TET1: variants seen among roughly 807,000 people sequenced by gnomAD.
TET1 encodes methylcytosine dioxygenase TET1.
Under a neutral mutation model 148.7 loss-of-function variants are expected in TET1, and 13 were observed. That is an observed-to-expected ratio of 0.09 (90% CI 0.06 to 0.14). The LOEUF is 0.14. TET1 is among the 10% of genes least tolerant of loss of function. The probability of loss-of-function intolerance (pLI) is 1.00; values close to 1 mark genes in which losing one functional copy is unlikely to be tolerated. For missense variants in TET1, 2,182 were observed against 2,553.8 expected, an observed-to-expected ratio of 0.85 and a Z score of 3.14; for synonymous variants, 907 against 937.2, an observed-to-expected ratio of 0.97 and a Z score of 0.59.
In TET1 at chr10:68,683,341, C is replaced by A. The variant is rs537050350; in HGVS notation, c.5052+368C>A. 3.9e-5 allele frequency among the ~76,000 whole-genome samples: 6 copies of A among 152,236 alleles called. No individual in the cohort carries two copies. The East Asian group carries it at 7.7e-4, about 20-fold the overall frequency. ...TCGCCCAGGCTAGAGGGTAGTGGCA[C>A]GATCTCAGCTCACTGCAACCTCTGC... On this transcript the variant is annotated intron_variant, in intron 10 of 11. Transcript: ENST00000373644.
At chr10:68,647,051 C>T in intron 4 of TET1, 46 bp downstream of exon 4, 2 of 1,541,726 alleles carry the variant, frequency 1.3e-6, no homozygotes, top group Non-Finnish European at 1.7e-6. Flanking sequence ...GCACAAATTA[C>T]CTCAATCATG....
chr10:68,669,519 T>G (rs1230391329), intron 7 of TET1, among the ~76,000 whole-genome samples: 72 of 114,690 alleles, frequency 6.3e-4, no homozygotes, highest in Non-Finnish European at 9.6e-4. Flanking sequence ...TTTGGGGGGG[T>G]TTTTTTTTGT....
chr10:68,673,259 T>A (rs2055298943), intron 8 of TET1: 1 of 260,802 alleles, frequency 3.8e-6, no homozygotes, highest in East Asian at 7.2e-5. Flanking sequence ...CAAATTCCAA[T>A]TGTCCCTGGC....
Position 68,632,052 on chromosome 10 carries a change from T to C in TET1, c.1969-12646T>C, listed in dbSNP as rs538329525. 2.6e-5 allele frequency among the ~76,000 whole-genome samples: 4 copies of C among 151,980 alleles called. No individual in the cohort carries two copies. In the South Asian group the frequency reaches 8.3e-4, roughly 32 times the overall value. On this transcript the variant is annotated intron_variant, in intron 3 of 11. Transcript: ENST00000373644. ...GTAGAAAACAGGATCTGGCCGGGCG[T>C]GGTGGCTCATGCCTGTAATCGCAGC... is the stretch of plus-strand genomic sequence containing the variant.
chr10:68,676,296 T>C (rs895636831), intron 8 of TET1, among the ~76,000 whole-genome samples: 10 of 115,408 alleles, frequency 8.7e-5, no homozygotes, highest in South Asian at 6.1e-4. Flanking sequence ...TTTTTTTTTT[T>C]CTTCTGAGAC....
intron 2 of TET1, among the ~76,000 whole-genome samples, chr10:68,583,884 C>G (rs1362163899): frequency 6.6e-6 from 1 of 151,830 alleles, no homozygotes; most frequent in African/African-American, 2.4e-5. Context: ...GCACACCAGT[C>G]TGGCGACAGA....
At chr10:68,667,364 G>T in intron 7 of TET1, 108 bp downstream of exon 7, 1 of 921,776 alleles carries the variant, frequency 1.1e-6, no homozygotes, top group Non-Finnish European at 1.6e-6. Context: ...AATAGGATTT[G>T]AGTATTGTGG....
At chr10:68,604,743 A>G (rs1290387395) in intron 3 of TET1, among the ~76,000 whole-genome samples, 1 of 152,202 alleles carries the variant, frequency 6.6e-6, no homozygotes, top group African/African-American at 2.4e-5. Flanking sequence ...ACTGGGCATG[A>G]CTAGTGACCA....
chr10:68,593,911 A>C lies in TET1; in HGVS notation c.1915-7070A>C, dbSNP rs1349746474. Among the ~76,000 whole-genome samples the C allele has an allele frequency of 1.7e-4, 11 of 64,434 alleles. No homozygotes were observed. The Admixed American group carries it at 2.2e-3, about 13-fold the overall frequency. The allele number at this position is 64,434 out of a possible 152,430, so 42.3% of individuals were successfully genotyped here. On this transcript the variant is annotated intron_variant, in intron 2 of 11. Transcript: ENST00000373644. Reference sequence around the variant, plus strand: ...TTACAGGCGTGAGCCACTGCGCCTGAGCTATTTTTTTTTTTTTTTTTTTTT... The same window carrying C: ...TTACAGGCGTGAGCCACTGCGCCTGCGCTATTTTTTTTTTTTTTTTTTTTT...
At chr10:68,576,532 C>T (rs550339721) in intron 2 of TET1, among the ~76,000 whole-genome samples, 23 of 152,050 alleles carry the variant, frequency 1.5e-4, no homozygotes, top group African/African-American at 4.6e-4. Flanking sequence ...TGTGATGGCA[C>T]GCTCCTGTAG....
chr10:68,664,006 C>CT (rs146462366), intron 6 of TET1, among the ~76,000 whole-genome samples: 10,077 of 148,790 alleles, frequency 0.068, 1,113 homozygotes, highest in African/African-American at 0.23. Flanking sequence ...TAGGTACCTC[C>CT]TTTTTTTTTT....
At chr10:68,594,295 T>C (rs1268501355) in intron 2 of TET1, among the ~76,000 whole-genome samples, 1 of 152,208 alleles carries the variant, frequency 6.6e-6, no homozygotes, top group Non-Finnish European at 1.5e-5. Context: ...TTCCAGTTTC[T>C]AGTTGGTACA....
At chr10:68,581,773 A>T (rs2053800790) in intron 2 of TET1, among the ~76,000 whole-genome samples, 1 of 151,340 alleles carries the variant, frequency 6.6e-6, no homozygotes, top group South Asian at 2.1e-4. Flanking sequence ...TGAGCTCAGG[A>T]GGTGGAGGCT....
intron 2 of TET1, among the ~76,000 whole-genome samples, chr10:68,600,588 G>A (rs1385785251): frequency 3.9e-5 from 6 of 152,160 alleles, no homozygotes; most frequent in Non-Finnish European, 8.8e-5. Flanking sequence ...TGCCCAGCAC[G>A]TCTACAGTGC....
intron 3 of TET1, among the ~76,000 whole-genome samples, chr10:68,617,284 A>C (rs2054307547): frequency 6.6e-6 from 1 of 151,390 alleles, no homozygotes; most frequent in Admixed American, 6.6e-5. Context: ...TCGGCCTCCC[A>C]AAGTGCTAGG....
rs533585491 is a variant in TET1 at position 68,632,321 on chromosome 10, C to G, written c.1969-12377C>G. 25 of 1,225,886 alleles carry G rather than the reference C, an allele frequency of 2.0e-5. No homozygotes were observed. In the South Asian group the frequency reaches 3.4e-4, roughly 17 times the overall value. The allele number at this position is 1,225,886 out of a possible 1,614,324, so 75.9% of individuals were successfully genotyped here. On this transcript the variant is annotated intron_variant, in intron 3 of 11. Coordinates refer to ENST00000373644, the MANE Select transcript of TET1 (RefSeq NM_030625.3). ...TGGGTGACAGAGCCAGATTCCCTTT[C>G]AAAAAAAAAAGAAAGGGTGCAGGGC...
Position 68,640,544 on chromosome 10 carries a change from CTT to C in TET1, c.1969-4130_1969-4129del, listed in dbSNP as rs60460824. Among the ~76,000 whole-genome samples the C allele has an allele frequency of 2.3e-3, 97 of 42,870 alleles. 1 individual carries two copies. The highest frequency in any genetic ancestry group is 8.4e-3 in the South Asian group (6 of 712). The allele number at this position is 42,870 out of a possible 152,430, so 28.1% of individuals were successfully genotyped here. A position where few individuals can be genotyped will look rare whatever the true frequency, so the allele number is the denominator to read the frequency against. On this transcript the variant is annotated intron_variant, in intron 3 of 11. Transcript: ENST00000373644. ...AAATATTCTTTTTCTTTCTTTCTTT[CTT>C]TTTTTTTTTTTTTTTTTTTTTTTGA...
intron 3 of TET1, among the ~76,000 whole-genome samples, chr10:68,624,413 C>T (rs2054421867): frequency 6.6e-6 from 1 of 152,122 alleles, no homozygotes; most frequent in South Asian, 2.1e-4. Context: ...CCTCAGCCTT[C>T]CGAGTAGCTG....
chr10:68,652,850 T>TTA (rs902697594), intron 6 of TET1, among the ~76,000 whole-genome samples: 4 of 146,028 alleles, frequency 2.7e-5, no homozygotes, highest in Non-Finnish European at 6.0e-5. Flanking sequence ...GGCTAATTTT[T>TTA]TTTTTTTTTT....
Sources: allele counts gnomAD v4.1 joint callset (sites outside exome capture counted in the v4.1 genomes callset), GRCh38; gene constraint gnomAD v4.1.1; transcripts MANE v1.5; gene names NCBI Gene and HGNC (gene_info 2026-07-23, HGNC 2026-07-21).